The following GRXCR1 variants were observed in gnomAD, a reference collection of about 807,000 sequenced individuals.
The protein encoded by GRXCR1 is glutaredoxin and cysteine rich domain containing 1, also known as glutaredoxin domain-containing cysteine-rich protein 1.
Under a neutral mutation model 27.3 loss-of-function variants are expected in GRXCR1, and 27 were observed. That is an observed-to-expected ratio of 0.99 (90% CI 0.73 to 1.37). The LOEUF is 1.37. GRXCR1 is among the 40% of genes most tolerant of loss of function. GRXCR1 has a pLI of 0.00. For missense variants in GRXCR1, 379 were observed against 354.4 expected, an observed-to-expected ratio of 1.07 and a Z score of -0.56; for synonymous variants, 122 against 131.1, an observed-to-expected ratio of 0.93 and a Z score of 0.47.
At position 42,939,581 on chromosome 4, in the gene GRXCR1, T is replaced by C. The variant is rs989964732; in HGVS notation, c.385-23311T>C. Among the ~76,000 whole-genome samples the C allele has an allele frequency of 5.9e-5, 9 of 152,082 alleles. No individual in the cohort carries two copies. In the East Asian group the frequency reaches 1.2e-3, roughly 20 times the overall value. On this transcript the variant is annotated intron_variant, in intron 1 of 3. Transcript: ENST00000399770. ...ATGTAGGCATCCTTGTCTTGTTTCA[T>C]ATCTTAGAGGAAAGGTTTCCCTCTA... is the stretch of plus-strand genomic sequence containing the variant.
chr4:42,898,912 G>A (rs549586321), intron 1 of GRXCR1, among the ~76,000 whole-genome samples: 3 of 152,126 alleles, frequency 2.0e-5, no homozygotes, highest in Non-Finnish European at 2.9e-5. Context: ...CAAATGATGC[G>A]AGAAACTACA....
At chr4:43,010,763 A>C (rs1171844037) in intron 2 of GRXCR1, among the ~76,000 whole-genome samples, 1 of 152,210 alleles carries the variant, frequency 6.6e-6, no homozygotes, top group African/African-American at 2.4e-5. Flanking sequence ...TGACAGTGTG[A>C]TTTTTAAAAA....
At chr4:42,980,054 TC>T (rs139727877) in intron 2 of GRXCR1, among the ~76,000 whole-genome samples, 7,169 of 152,098 alleles carry the variant, frequency 0.047, 216 homozygotes, top group African/African-American at 0.079. Flanking sequence ...CTTCTTTTTT[TC>T]CTTAGTCTAG....
At chr4:42,934,962 G>T (rs1442883349) in intron 1 of GRXCR1, among the ~76,000 whole-genome samples, 1 of 151,916 alleles carries the variant, frequency 6.6e-6, no homozygotes, top group Non-Finnish European at 1.5e-5. Context: ...TTGGGATTTT[G>T]GTTGAAGATT....
chr4:42,972,220 T>G (rs1311456982), intron 2 of GRXCR1, among the ~76,000 whole-genome samples: 1 of 152,208 alleles, frequency 6.6e-6, no homozygotes, highest in East Asian at 1.9e-4. Context: ...ATTTAGGTTT[T>G]TATTACTCTT....
intron 2 of GRXCR1, among the ~76,000 whole-genome samples, chr4:42,992,447 T>C (rs1389797118): frequency 6.6e-6 from 1 of 152,180 alleles, no homozygotes; most frequent in African/African-American, 2.4e-5. Context: ...TTATATGTTA[T>C]GTATAATGTA....
At chr4:42,902,489 C>T (rs34482659) in intron 1 of GRXCR1, among the ~76,000 whole-genome samples, 36,885 of 152,130 alleles carry the variant, frequency 0.24, 5,255 homozygotes, top group Non-Finnish European at 0.32. Context: ...CATAGTATTC[C>T]ATGGTGTATA....
intron 2 of GRXCR1, among the ~76,000 whole-genome samples, chr4:42,978,953 A>C (rs1222682548): frequency 1.3e-5 from 2 of 151,878 alleles, no homozygotes; most frequent in Non-Finnish European, 2.9e-5. Context: ...TTCCCTCTTC[A>C]CTTGGGACTT....
chr4:42,911,978 T>C lies in GRXCR1; in HGVS notation c.384+18328T>C, dbSNP rs373973817. Among the ~76,000 whole-genome samples the C allele has an allele frequency of 4.3e-4, 65 of 152,222 alleles. 2 individuals are homozygous for C. In the South Asian group the frequency reaches 9.7e-3, roughly 23 times the overall value. On this transcript the variant is annotated intron_variant, in intron 1 of 3. Coordinates refer to ENST00000399770, the MANE Select transcript of GRXCR1 (RefSeq NM_001080476.3). Reference sequence around the variant, plus strand: ...TGTGGGAAAATGATGGGAGATAAAATTGGAAAGCTGTTCTGAGTTCTTAGT... The same window carrying C: ...TGTGGGAAAATGATGGGAGATAAAACTGGAAAGCTGTTCTGAGTTCTTAGT...
intron 1 of GRXCR1, among the ~76,000 whole-genome samples, chr4:42,905,193 G>A (rs763490265): frequency 1.3e-5 from 2 of 152,118 alleles, no homozygotes; most frequent in African/African-American, 2.4e-5. Context: ...ATTAACTTCC[G>A]TGTCTATTTG....
chr4:42,985,629 T>C (rs916042340), intron 2 of GRXCR1, among the ~76,000 whole-genome samples: 1 of 151,600 alleles, frequency 6.6e-6, no homozygotes, highest in African/African-American at 2.4e-5. Flanking sequence ...AGAAAAACTA[T>C]ATTAAATATA....
chr4:42,935,740 G>C (rs550157609), intron 1 of GRXCR1, among the ~76,000 whole-genome samples: 1 of 140,326 alleles, frequency 7.1e-6, no homozygotes, highest in African/African-American at 2.8e-5. Context: ...GATTAAAAAG[G>C]GGATTTAAAA....
chr4:42,987,324 C>T (rs975816193), intron 2 of GRXCR1, among the ~76,000 whole-genome samples: 4 of 136,326 alleles, frequency 2.9e-5, no homozygotes, highest in Non-Finnish European at 6.3e-5. Context: ...GCTCTGTCAT[C>T]CAGACTGAAG....
At chr4:42,924,248 T>C (rs947311345) in intron 1 of GRXCR1, among the ~76,000 whole-genome samples, 2 of 152,130 alleles carry the variant, frequency 1.3e-5, no homozygotes, top group African/African-American at 4.8e-5. Flanking sequence ...ATAGTTTTGA[T>C]ATTGTTAGAA....
intron 2 of GRXCR1, among the ~76,000 whole-genome samples, chr4:42,996,342 A>T (rs2109793722): frequency 6.6e-6 from 1 of 152,326 alleles, no homozygotes; most frequent in Middle Eastern, 3.4e-3. Context: ...ATGGCAGGAT[A>T]GAAATAGCTT....
chr4:43,028,097 G>A (rs1274899695), intron 3 of GRXCR1, among the ~76,000 whole-genome samples: 1 of 151,102 alleles, frequency 6.6e-6, no homozygotes, highest in Non-Finnish European at 1.5e-5. Context: ...GGGTAACAGA[G>A]TGAGACTCCG....
intron 1 of GRXCR1, among the ~76,000 whole-genome samples, chr4:42,953,349 C>T (rs1747926735): frequency 6.6e-6 from 1 of 152,120 alleles, no homozygotes; most frequent in African/African-American, 2.4e-5. Flanking sequence ...AGTCTTCCAC[C>T]CGGCCCTTGC....
rs1295550495 is a variant in GRXCR1 at position 42,893,600 on chromosome 4, A to C, written c.334A>C (p.Lys112Gln). Residue 112 changes from lysine to glutamine, a missense_variant, in exon 1 of 4, where the codon AAA becomes CAA. Transcript: ENST00000399770. ...KNGTVRGVKY[K>Q]VSAGQALFNN... ...TGGCACAGTCAGAGGCGTCAAATACAAAGTGAGTGCTGGCCAGGCTCTATT... is the reference window on the plus strand; with the variant it reads ...TGGCACAGTCAGAGGCGTCAAATACCAAGTGAGTGCTGGCCAGGCTCTATT... The C allele has an allele frequency of 2.5e-6, 4 of 1,613,724 alleles. No individual in the cohort carries two copies. The Middle Eastern group carries it at 5.0e-4, about 200-fold the overall frequency.
At chr4:42,965,935 CAG>C (rs1421082205) in intron 2 of GRXCR1, among the ~76,000 whole-genome samples, 1 of 151,788 alleles carries the variant, frequency 6.6e-6, no homozygotes, top group Non-Finnish European at 1.5e-5. Flanking sequence ...GTGAAAATAA[CAG>C]AGTTTAATGG....
Sources: gnomAD v4.1 joint callset for allele counts (sites outside exome capture counted in the v4.1 genomes callset) on GRCh38, gnomAD v4.1.1 for gene constraint, MANE v1.5 for transcripts, NCBI Gene and HGNC (gene_info 2026-07-23, HGNC 2026-07-21) for gene names.